AHNAK: variants seen among roughly 807,000 people sequenced by gnomAD.
The protein encoded by AHNAK is neuroblast differentiation-associated protein AHNAK.
A neutral mutation model predicts 37.8 loss-of-function variants in AHNAK; 23 were observed. The ratio of observed to expected loss-of-function variants is 0.61; its 90% CI spans 0.44 to 0.86. The LOEUF (loss-of-function observed/expected upper bound fraction) is 0.86. AHNAK is among the 40% of genes least tolerant of loss of function. The pLI, the probability that AHNAK is intolerant of heterozygous loss-of-function variation, is 0.00. For synonymous variants in AHNAK, 2,481 were observed against 2,636.3 expected (o/e 0.94, Z 1.80); for missense variants, 7,411 against 7,319.4 (o/e 1.01, Z -0.46).
At position 62,521,167 on chromosome 11, in the gene AHNAK, G is replaced by C. The variant is rs149881478; in HGVS notation, c.13250C>G (p.Pro4417Arg). Reference sequence around the variant, plus strand: ...ACTGGGGCCTTTTATGTCAATTTCAGGGCCCTTGAGATCACCTTCCACTTT... The same window carrying C: ...ACTGGGGCCTTTTATGTCAATTTCACGGCCCTTGAGATCACCTTCCACTTT... Reference protein sequence around the residue: ...LPKVEGDLKGPEIDIKGPSLD... With the variant: ...LPKVEGDLKGREIDIKGPSLD... The change falls in exon 5 of 5, where the codon CCT becomes CGT. Residue 4417 changes from proline to arginine, a missense_variant. Physicochemically the swap from Pro to Arg is moderately radical, Grantham distance 103. Coordinates refer to ENST00000378024, the MANE Select transcript of AHNAK (RefSeq NM_001620.3). 199 of 1,613,826 alleles carry C rather than the reference G, an allele frequency of 1.2e-4. No individual in the cohort carries two copies. The highest frequency in any genetic ancestry group is 1.6e-4 in the Non-Finnish European group (193 of 1,180,002).
intron 5 of AHNAK, among the ~76,000 whole-genome samples, chr11:62,484,036 C>CAAAA (rs56402861): frequency 1.2e-4 from 9 of 78,222 alleles, no homozygotes; most frequent in South Asian, 5.7e-4. Flanking sequence ...GACTCCATCT[C>CAAAA]AAAAAAAAAA....
At chr11:62,464,175 G>A (rs771031502) in intron 5 of AHNAK, among the ~76,000 whole-genome samples, 2 of 151,644 alleles carry the variant, frequency 1.3e-5, no homozygotes, top group Non-Finnish European at 2.9e-5. Flanking sequence ...CCACAGGAAC[G>A]GGCCACCATA....
In AHNAK at chr11:62,451,464, G is replaced by A. The variant is rs527266578; in HGVS notation, c.443-17573C>T. Among the ~76,000 whole-genome samples, 62 of 151,770 alleles carry A rather than the reference G, an allele frequency of 4.1e-4. 3 individuals are homozygous for A. Among genetic ancestry groups the A allele is most frequent in the Non-Finnish European group, 5.0e-4 (34 of 67,836 alleles). Reference sequence around the variant, plus strand: ...CATCTAAAAAAAAAATTGGCCAGGCGCGATGGCTCATGTCTGTAATCCCAG... The same window carrying A: ...CATCTAAAAAAAAAATTGGCCAGGCACGATGGCTCATGTCTGTAATCCCAG... On this transcript the variant is annotated intron_variant, in intron 5 of 5. Coordinates refer to the AHNAK transcript ENST00000257247.
At chr11:62,536,958 T>A (rs1239075904) in intron 1 of AHNAK, among the ~76,000 whole-genome samples, 2 of 148,970 alleles carry the variant, frequency 1.3e-5, no homozygotes, top group African/African-American at 2.6e-5. Context: ...TTATTTTATT[T>A]ATTTTTTTTT....
intron 5 of AHNAK, among the ~76,000 whole-genome samples, chr11:62,489,163 C>T (rs977802944): frequency 3.3e-5 from 5 of 151,216 alleles, no homozygotes; most frequent in African/African-American, 1.2e-4. Flanking sequence ...ATTGCTTGAA[C>T]GCGGGAGGTG....
chr11:62,498,879 G>A (rs1441874398), intron 4 of AHNAK, among the ~76,000 whole-genome samples: 2 of 152,190 alleles, frequency 1.3e-5, no homozygotes, highest in African/African-American at 2.4e-5. Flanking sequence ...AGGATTGAAA[G>A]TACTTTACCA....
chr11:62,499,048 C>T (rs556623546), intron 4 of AHNAK, among the ~76,000 whole-genome samples: 7 of 152,280 alleles, frequency 4.6e-5, no homozygotes, highest in African/African-American at 7.2e-5. Context: ...TCTTCCGCCT[C>T]GCTTCTCCCA....
intron 5 of AHNAK, among the ~76,000 whole-genome samples, chr11:62,436,199 A>G (rs1938167780): frequency 6.6e-6 from 1 of 152,224 alleles, no homozygotes; most frequent in South Asian, 2.1e-4. Flanking sequence ...GAAAGGGTTC[A>G]TAAAGGGGCT....
intron 4 of AHNAK, among the ~76,000 whole-genome samples, chr11:62,510,089 ACT>A (rs1044925591): frequency 3.4e-4 from 52 of 151,628 alleles, no homozygotes; most frequent in African/African-American, 1.3e-3. Context: ...ACGGAGTCTC[ACT>A]CTGTCGCCCA....
At chr11:62,468,452 G>T (rs1175975846) in intron 5 of AHNAK, among the ~76,000 whole-genome samples, 1 of 152,076 alleles carries the variant, frequency 6.6e-6, no homozygotes, top group Non-Finnish European at 1.5e-5. Context: ...GTATGGGCAT[G>T]TGTGTACAGG....
Position 62,534,020 on chromosome 11 carries a change from G to T in AHNAK, c.397C>A (p.Leu133Met), listed in dbSNP as rs1389691018. Residue 133 changes from leucine to methionine, a missense_variant, in exon 5 of 5, where the codon CTG becomes ATG. Leu to Met is a conservative substitution (Grantham distance 15). Coordinates refer to ENST00000378024, the MANE Select transcript of AHNAK (RefSeq NM_001620.3). ...CCTTCCACTCCATCTTCCGACTTCAGCCGTGGCTTGATCTTCGTGGTGTAG... is the reference window on the plus strand; with the variant it reads ...CCTTCCACTCCATCTTCCGACTTCATCCGTGGCTTGATCTTCGTGGTGTAG... ...RIYTTKIKPR[L>M]KSEDGVEGDL... The T allele has an allele frequency of 6.3e-7, 1 of 1,583,448 alleles. No homozygotes were observed. Among genetic ancestry groups the T allele is most frequent in the South Asian group, 1.2e-5 (1 of 85,174 alleles).
At chr11:62,504,709 G>A (rs1213813915) in intron 4 of AHNAK, among the ~76,000 whole-genome samples, 1 of 152,064 alleles carries the variant, frequency 6.6e-6, no homozygotes, top group Non-Finnish European at 1.5e-5. Context: ...ACCTGGCTGG[G>A]GCTGGGGAAC....
chr11:62,451,476 G>A (rs757941330), intron 5 of AHNAK, among the ~76,000 whole-genome samples: 12 of 151,886 alleles, frequency 7.9e-5, no homozygotes, highest in Admixed American at 2.6e-4. Flanking sequence ...GATGGCTCAT[G>A]TCTGTAATCC....
chr11:62,512,593 G>C (rs1235371575), downstream of AHNAK, among the ~76,000 whole-genome samples: 1 of 152,128 alleles, frequency 6.6e-6, no homozygotes. The surrounding 1 kb of genome is among the most constrained non-coding windows in gnomAD (Gnocchi z 4.0). Flanking sequence ...ATAGAGAAAT[G>C]AGTGTGAGTT....
chr11:62,527,614 G>C lies in AHNAK; in HGVS notation c.6803C>G (p.Pro2268Arg). ...GEGPEVDVNLPKADVDVSGPK... is the reference protein window; with the variant it reads ...GEGPEVDVNLRKADVDVSGPK... ...TCCTGAGACATCAACGTCAGCCTTG[G>C]GCAAGTTCACATCCACTTCTGGGCC... The change falls in exon 5 of 5, where the codon CCC (proline) becomes CGC (arginine). Residue 2268 changes from proline (P) to arginine (R), a missense_variant. Pro to Arg is a moderately radical substitution (Grantham distance 103). Transcript: ENST00000378024. The C allele has an allele frequency of 6.2e-7, 1 of 1,613,850 alleles. No individual in the cohort carries two copies. The highest frequency in any genetic ancestry group is 8.5e-7 in the Non-Finnish European group (1 of 1,179,980).
At chr11:62,461,452 C>CT (rs1938787078) in intron 5 of AHNAK, among the ~76,000 whole-genome samples, 1 of 152,136 alleles carries the variant, frequency 6.6e-6, no homozygotes, top group Non-Finnish European at 1.5e-5. Flanking sequence ...CCCAAGTTGC[C>CT]TTTTTAAGTA....
chr11:62,521,714 C>T lies in AHNAK; in HGVS notation c.12703G>A (p.Gly4235Ser), dbSNP rs761907451. 2 of 1,614,026 alleles carry T rather than the reference C, an allele frequency of 1.2e-6. No individual in the cohort carries two copies. The highest frequency in any genetic ancestry group is 1.7e-6 in the Non-Finnish European group (2 of 1,180,020). ...GGGCCCTTTAGTTTCGCATCTGGACCTTCGATATTCACATCAGGAACATCA... is the reference window on the plus strand; with the variant it reads ...GGGCCCTTTAGTTTCGCATCTGGACTTTCGATATTCACATCAGGAACATCA... ...DIDVPDVNIEGPDAKLKGPKF... is the reference protein window; with the variant it reads ...DIDVPDVNIESPDAKLKGPKF... The change falls in exon 5 of 5, where the codon GGT (glycine) becomes AGT (serine). Residue 4235 changes from glycine to serine, a missense_variant. Coordinates refer to ENST00000378024, the MANE Select transcript of AHNAK (RefSeq NM_001620.3).
At position 62,529,777 on chromosome 11, in the gene AHNAK, T is replaced by C; in HGVS notation, c.4640A>G (p.Asp1547Gly). The stretch of plus-strand genomic sequence containing the variant: ...AAGATTCACATCTGGAACATCAATG[T>C]CCACCTTGGGTCCTGAAACACCAAG... ...ADLGVSGPKV[D>G]IDVPDVNLEA... The change falls in exon 5 of 5, where the codon GAC becomes GGC. Residue 1547 changes from aspartate to glycine, a missense_variant. Physicochemically the swap from Asp to Gly is moderately conservative, Grantham distance 94 (BLOSUM62 -1). Coordinates refer to ENST00000378024, the MANE Select transcript of AHNAK (RefSeq NM_001620.3). The C allele has an allele frequency of 6.2e-7, 1 of 1,614,196 alleles. No individual in the cohort carries two copies. The highest frequency in any genetic ancestry group is 8.5e-7 in the Non-Finnish European group (1 of 1,180,040).
chr11:62,496,752 A>G (rs916220814), intron 4 of AHNAK, among the ~76,000 whole-genome samples: 14 of 151,866 alleles, frequency 9.2e-5, no homozygotes, highest in Admixed American at 2.0e-4. Context: ...CCGAGATCGC[A>G]TCACTGCACT....
Sources: allele counts gnomAD v4.1 joint callset (sites outside exome capture counted in the v4.1 genomes callset), GRCh38; gene constraint gnomAD v4.1.1; non-coding constraint Gnocchi (gnomAD v3.1); transcripts MANE v1.5; gene names NCBI Gene and HGNC (gene_info 2026-07-23, HGNC 2026-07-21).